Variants in PNPLA1 observed in about 807,000 individuals in gnomAD.
PNPLA1 encodes the protein omega-hydroxyceramide transacylase.
Under a neutral mutation model 51.7 loss-of-function variants are expected in PNPLA1, and 36 were observed. That is an observed-to-expected ratio of 0.70 (90% confidence interval 0.53 to 0.92). The LOEUF is 0.92. PNPLA1 is among the 40% of genes least tolerant of loss of function. PNPLA1 has a pLI of 0.00. For synonymous variants in PNPLA1, 293 were observed against 280.1 expected (o/e 1.05, Z -0.46); for missense variants, 658 against 682.5 (o/e 0.96, Z 0.40).
intron 1 of PNPLA1, among the ~76,000 whole-genome samples, chr6:36,280,991 C>T (rs1770262639): frequency 6.6e-6 from 1 of 152,150 alleles, no homozygotes; most frequent in Admixed American, 6.5e-5. Flanking sequence ...CGGGGTCTCA[C>T]TATGTTACCC....
rs190207950 is a variant in PNPLA1 at position 36,304,844 on chromosome 6, A to G, written c.1385-1448A>G. On this transcript the variant is annotated intron_variant, in intron 6 of 8. Coordinates refer to ENST00000636260, the MANE Select transcript of PNPLA1 (RefSeq NM_001374623.1). ...GGCATATATAGTCTAGTGATTCTCT[A>G]CTGGGAGTGATTTTGTCTCCAGGAG... Among the ~76,000 whole-genome samples, 329 of 152,250 alleles carry G rather than the reference A, an allele frequency of 2.2e-3. 2 individuals are homozygous for G. Among genetic ancestry groups the G allele is most frequent in the African/African-American group, 7.6e-3 (316 of 41,538 alleles).
intron 1 of PNPLA1, among the ~76,000 whole-genome samples, chr6:36,258,776 G>T (rs1227693054): frequency 6.6e-6 from 1 of 152,222 alleles, no homozygotes. Flanking sequence ...TAGTCAGGAA[G>T]AAAGGGACCA....
intron 1 of PNPLA1, among the ~76,000 whole-genome samples, chr6:36,264,023 C>T (rs768744601): frequency 7.2e-5 from 11 of 152,194 alleles, no homozygotes; most frequent in Non-Finnish European, 1.3e-4. Flanking sequence ...GCTCTCCTTT[C>T]GTCCCTTCTG....
chr6:36,300,178 T>TGTGTGTGTGAGAGAGAGA lies in PNPLA1; in HGVS notation c.776-1682_776-1681insTGTGTGTGAGAGAGAGAG. ...TCTTATTCTTGTGTGTGTGTGTGTGTGAGAGAGAGAGAGAGAGAGAGAGAG... is the reference window on the plus strand; with the variant it reads ...TCTTATTCTTGTGTGTGTGTGTGTGTGTGTGTGTGAGAGAGAGAGAGAGAGAGAGAGAGAGAGAGAGAG... On this transcript the variant is annotated intron_variant, in intron 5 of 8. Transcript: ENST00000636260. Among the ~76,000 whole-genome samples, 198 of 98,136 alleles carry TGTGTGTGTGAGAGAGAGA rather than the reference T, an allele frequency of 2.0e-3. 2 individuals are homozygous for TGTGTGTGTGAGAGAGAGA. Among genetic ancestry groups the TGTGTGTGTGAGAGAGAGA allele is most frequent in the Middle Eastern group, 4.2e-3 (1 of 236 alleles). The allele number at this position is 98,136 out of a possible 152,430, so 64.4% of individuals were successfully genotyped here. A position where few individuals can be genotyped will look rare whatever the true frequency, so the allele number is the denominator to read the frequency against.
Position 36,294,150 on chromosome 6 carries a change from C to T in PNPLA1, c.505-40C>T. On this transcript the variant is annotated intron_variant, in intron 3 of 8. Transcript: ENST00000636260. This position sits in a 1 kb window ranked among gnomAD's most constrained non-coding sequence, Gnocchi z 4.2. Reference sequence around the variant, plus strand: ...GATGTACCCCGAGTGGGGCTGAGAACTCTGGCCCCAAGTGGGCATTTCTCA... The same window carrying T: ...GATGTACCCCGAGTGGGGCTGAGAATTCTGGCCCCAAGTGGGCATTTCTCA... The T allele has an allele frequency of 2.5e-6, 4 of 1,608,050 alleles. No homozygotes were observed. Among genetic ancestry groups the T allele is most frequent in the Non-Finnish European group, 3.4e-6 (4 of 1,175,662 alleles).
upstream of PNPLA1, among the ~76,000 whole-genome samples, chr6:36,269,662 G>T (rs1040186072): frequency 6.6e-6 from 1 of 152,222 alleles, no homozygotes; most frequent in Non-Finnish European, 1.5e-5. Context: ...CACAGGGTCA[G>T]TGAAGGGCCC....
At chr6:36,281,083 G>A (rs1226870574) in intron 1 of PNPLA1, among the ~76,000 whole-genome samples, 1 of 152,234 alleles carries the variant, frequency 6.6e-6, no homozygotes, top group Non-Finnish European at 1.5e-5. Flanking sequence ...ATGAGCCATG[G>A]CACCTGATCT....
chr6:36,305,444 A>G (rs551621593), intron 6 of PNPLA1, among the ~76,000 whole-genome samples: 1 of 152,242 alleles, frequency 6.6e-6, no homozygotes, highest in African/African-American at 2.4e-5. Context: ...TTAGGGACAT[A>G]CAACAAGTCT....
At chr6:36,265,355 T>C (rs1344410840), upstream of PNPLA1, among the ~76,000 whole-genome samples, 2 of 151,960 alleles carry the variant, frequency 1.3e-5, no homozygotes, top group African/African-American at 4.8e-5. Flanking sequence ...GAGAAAAAAG[T>C]TATCAGACCC....
Position 36,294,277 on chromosome 6 carries a change from G to A in PNPLA1, c.592G>A (p.Asp198Asn), listed in dbSNP as rs760126002. ...ITISTFSGQQDICPRDCPAIF... is the reference protein window; with the variant it reads ...ITISTFSGQQNICPRDCPAIF... Reference sequence around the variant, plus strand: ...CATCTCCACCTTCAGTGGGCAGCAGGACATCTGTCCCCGGGACTGCCCGGC... The same window carrying A: ...CATCTCCACCTTCAGTGGGCAGCAGAACATCTGTCCCCGGGACTGCCCGGC... The change falls in exon 4 of 9, where the codon GAC becomes AAC. Residue 198 changes from aspartate to asparagine, a missense_variant. By Grantham distance (23) the Asp-to-Asn change is conservative. Coordinates refer to ENST00000636260, the MANE Select transcript of PNPLA1 (RefSeq NM_001374623.1). This position sits in a 1 kb window ranked among gnomAD's most constrained non-coding sequence, Gnocchi z 4.2. 1.9e-6 allele frequency: 3 copies of A among 1,614,234 alleles called. No individual in the cohort carries two copies. The highest frequency in any genetic ancestry group is 2.5e-6 in the Non-Finnish European group (3 of 1,180,036).
chr6:36,298,516 A>G (rs1218353268), intron 5 of PNPLA1, among the ~76,000 whole-genome samples: 2 of 152,212 alleles, frequency 1.3e-5, no homozygotes, highest in Non-Finnish European at 2.9e-5. Context: ...GAACTTTTTC[A>G]TCTTGCAAAA....
intron 2 of PNPLA1, among the ~76,000 whole-genome samples, chr6:36,292,317 A>G (rs1352584721): frequency 5.3e-5 from 8 of 152,054 alleles, no homozygotes; most frequent in African/African-American, 1.9e-4. Flanking sequence ...TGGGTTTATC[A>G]GCAGCCAGCT....
At chr6:36,307,289 A>C (rs1440072627) in intron 7 of PNPLA1, among the ~76,000 whole-genome samples, 2 of 152,256 alleles carry the variant, frequency 1.3e-5, no homozygotes, top group African/African-American at 2.4e-5. Context: ...GAGTTTGTAT[A>C]AATTTAACAA....
rs545038737 is a variant in PNPLA1, at chr6:36,252,360, A to T, written c.-81+9099A>T. Reference sequence around the variant, plus strand: ...GTAACTTGCAGCCCAGAGCAGCCTAACAGAGACAGCATGGATTGCTGCAGT... The same window carrying T: ...GTAACTTGCAGCCCAGAGCAGCCTATCAGAGACAGCATGGATTGCTGCAGT... On this transcript the variant is annotated intron_variant, in intron 1 of 7. Transcript: ENST00000312917. 5.9e-5 allele frequency among the ~76,000 whole-genome samples: 9 copies of T among 152,220 alleles called. No individual in the cohort carries two copies. In the East Asian group the frequency reaches 1.4e-3, roughly 23 times the overall value.
chr6:36,283,258 G>A (rs1465513093), intron 1 of PNPLA1, among the ~76,000 whole-genome samples: 2 of 152,154 alleles, frequency 1.3e-5, no homozygotes, highest in Non-Finnish European at 2.9e-5. Context: ...ATTCCACACT[G>A]CATTTGGAGG....
chr6:36,302,550 C>T lies in PNPLA1; in HGVS notation c.1384+81C>T, dbSNP rs995914469. On this transcript the variant is annotated intron_variant, in intron 6 of 8. Transcript: ENST00000636260. The stretch of plus-strand genomic sequence containing the variant: ...CGAGCAAGGACACCAGGGCTGATAA[C>T]CGCTTCTTTAGGGGTGCGTGGCTGA... The T allele has an allele frequency of 5.4e-6, 8 of 1,494,602 alleles. No individual in the cohort carries two copies. In the East Asian group the frequency reaches 1.1e-4, roughly 21 times the overall value. The allele number at this position is 1,494,602 out of a possible 1,614,324, so 92.6% of individuals were successfully genotyped here.
chr6:36,310,841 A>G (rs1451343591), intron 8 of PNPLA1, among the ~76,000 whole-genome samples: 2 of 152,214 alleles, frequency 1.3e-5, no homozygotes, highest in African/African-American at 2.4e-5. Context: ...GTTTCTCTCT[A>G]TAACATTCAC....
intron 1 of PNPLA1, among the ~76,000 whole-genome samples, chr6:36,264,254 G>A (rs1431401178): frequency 6.6e-6 from 1 of 152,182 alleles, no homozygotes; most frequent in East Asian, 1.9e-4. Context: ...ATTCACTGTG[G>A]CATTGCTGGT....
At chr6:36,279,992 G>A (rs542873791) in intron 1 of PNPLA1, among the ~76,000 whole-genome samples, 1 of 152,328 alleles carries the variant, frequency 6.6e-6, no homozygotes, top group African/African-American at 2.4e-5. Context: ...CAGATCACGA[G>A]GTTAGGAGAT....
Sources: allele counts gnomAD v4.1 joint callset (sites outside exome capture counted in the v4.1 genomes callset), GRCh38; gene constraint gnomAD v4.1.1; non-coding constraint Gnocchi (gnomAD v3.1); transcripts MANE v1.5; gene names NCBI Gene and HGNC (gene_info 2026-07-23, HGNC 2026-07-21).